The following TMCO4 variants were observed in gnomAD, a reference collection of about 807,000 sequenced individuals.
TMCO4 encodes transmembrane and coiled-coil domains 4.
A neutral mutation model predicts 64.7 loss-of-function variants in TMCO4; 58 were observed. The observed-to-expected ratio is 0.90, with a 90% CI of 0.73 to 1.12. TMCO4 has a LOEUF of 1.12. TMCO4 is among the 50% of genes most tolerant of loss of function. The probability of loss-of-function intolerance (pLI) is 0.00; values close to 1 mark genes in which losing one functional copy is unlikely to be tolerated. For synonymous variants in TMCO4, 325 were observed against 346.1 expected (o/e 0.94, Z 0.68); for missense variants, 780 against 825.9 (o/e 0.94, Z 0.68).
At chr1:19,782,953 A>G (rs1007258590) in intron 3 of TMCO4, among the ~76,000 whole-genome samples, 2 of 152,242 alleles carry the variant, frequency 1.3e-5, no homozygotes, top group Non-Finnish European at 2.9e-5. Flanking sequence ...TGTCAGTAGT[A>G]AAGGACACAG....
chr1:19,726,968 C>T (rs532937646), intron 13 of TMCO4, among the ~76,000 whole-genome samples: 171 of 152,304 alleles, frequency 1.1e-3, no homozygotes, highest in Non-Finnish European at 1.9e-3. Context: ...GAACATGTGG[C>T]GGGACTGCTC....
At chr1:19,759,262 C>T (rs1427252884) in intron 6 of TMCO4, among the ~76,000 whole-genome samples, 2 of 152,030 alleles carry the variant, frequency 1.3e-5, no homozygotes, top group Admixed American at 1.3e-4. Context: ...GGTTTGACCA[C>T]TTCACTCCTT....
chr1:19,736,969 AC>A (rs1201742098), intron 13 of TMCO4, among the ~76,000 whole-genome samples: 2 of 152,186 alleles, frequency 1.3e-5, no homozygotes, highest in Admixed American at 1.3e-4. Flanking sequence ...TGACATGTCT[AC>A]AAGCCAAGGA....
intron 2 of TMCO4, among the ~76,000 whole-genome samples, chr1:19,787,737 C>T (rs1387276919): frequency 1.3e-5 from 2 of 152,150 alleles, no homozygotes; most frequent in South Asian, 2.1e-4. Context: ...GAGCTTCATC[C>T]TTAGTGCCAT....
chr1:19,738,655 C>T (rs912296002), intron 12 of TMCO4, among the ~76,000 whole-genome samples: 6 of 152,216 alleles, frequency 3.9e-5, no homozygotes, highest in African/African-American at 1.4e-4. Flanking sequence ...TAGAGTCAAG[C>T]CTGCCGAAGG....
In TMCO4 at chr1:19,682,618, T is replaced by G. The variant is rs756377091; in HGVS notation, c.*422A>C. ...TGGAGTGTGGATGGAAGAACAGGCA[T>G]GCACCTGGTTTTATTGAGGCCAGGG... On this transcript the variant is annotated 3_prime_UTR_variant, in exon 16 of 16. Transcript: ENST00000294543. The G allele has an allele frequency of 4.2e-6, 3 of 717,524 alleles. No homozygotes were observed. Among genetic ancestry groups the G allele is most frequent in the East Asian group, 2.7e-5 (1 of 37,358 alleles). The allele number at this position is 717,524 out of a possible 1,614,324, so 44.4% of individuals were successfully genotyped here.
At chr1:19,758,180 T>A (rs145671748) in intron 6 of TMCO4, among the ~76,000 whole-genome samples, 2 of 151,996 alleles carry the variant, frequency 1.3e-5, no homozygotes, top group African/African-American at 4.8e-5. Flanking sequence ...GCAAAAGAAA[T>A]CAGTTCCTTC....
intron 4 of TMCO4, among the ~76,000 whole-genome samples, chr1:19,777,676 C>G (rs1019922719): frequency 1.3e-5 from 2 of 152,202 alleles, no homozygotes; most frequent in East Asian, 3.8e-4. Context: ...ACTGAATCAA[C>G]CCTGGAACCT....
chr1:19,798,477 A>T (rs1243899660), intron 1 of TMCO4, among the ~76,000 whole-genome samples: 1 of 152,196 alleles, frequency 6.6e-6, no homozygotes, highest in Non-Finnish European at 1.5e-5. Context: ...AAAAGTATAA[A>T]GTCTCCCAAA....
At chr1:19,745,698 G>C in intron 9 of TMCO4, 47 bp from the exon 10 acceptor site, 1 of 1,563,536 alleles carries the variant, frequency 6.4e-7, no homozygotes. Context: ...CTGGGGCCCC[G>C]GGGAACATCA....
At chr1:19,730,988 T>A (rs1056892107) in intron 13 of TMCO4, among the ~76,000 whole-genome samples, 1 of 152,104 alleles carries the variant, frequency 6.6e-6, no homozygotes, top group African/African-American at 2.4e-5. Flanking sequence ...GCAGATTAAT[T>A]GGGTGTTAAA....
In TMCO4 at chr1:19,689,892, C is replaced by A. The variant is rs560310653; in HGVS notation, c.1500+4542G>T. On this transcript the variant is annotated intron_variant, in intron 15 of 15. Coordinates refer to ENST00000294543, the MANE Select transcript of TMCO4 (RefSeq NM_181719.7). ...GATGGTGACAGGAGGCAGCCAAATG[C>A]CTAGGCAGACGGGGTGGGTCCCTGG... is the stretch of plus-strand genomic sequence containing the variant. Among the ~76,000 whole-genome samples, 4 of 152,348 alleles carry A rather than the reference C, an allele frequency of 2.6e-5. No homozygotes were observed. The South Asian group carries it at 6.2e-4, about 24-fold the overall frequency.
chr1:19,698,066 G>A (rs2100595951), intron 14 of TMCO4, among the ~76,000 whole-genome samples: 1 of 152,296 alleles, frequency 6.6e-6, no homozygotes. Context: ...TGTATCCTGA[G>A]CTGAACCGGG....
At chr1:19,764,117 G>T (rs2042626654) in intron 6 of TMCO4, among the ~76,000 whole-genome samples, 5 of 152,204 alleles carry the variant, frequency 3.3e-5, no homozygotes, top group Admixed American at 3.3e-4. Flanking sequence ...TTTGGTTCCT[G>T]CCGCATGGGC....
chr1:19,755,506 G>A (rs2042205054), intron 7 of TMCO4, 128 bp downstream of exon 7: 1 of 1,348,034 alleles, frequency 7.4e-7, no homozygotes, highest in Admixed American at 2.2e-5. Context: ...GCTACAGCTG[G>A]GACTCTGTCC....
At chr1:19,766,938 G>C (rs755694241) in intron 6 of TMCO4, among the ~76,000 whole-genome samples, 2 of 152,118 alleles carry the variant, frequency 1.3e-5, no homozygotes, top group Non-Finnish European at 2.9e-5. Context: ...GGGACCTTTG[G>C]GGCCCTGGCA....
At chr1:19,742,101 A>G (rs1883571) in intron 10 of TMCO4, among the ~76,000 whole-genome samples, 27,389 of 152,044 alleles carry the variant, frequency 0.18, 3,025 homozygotes, top group African/African-American at 0.3. Flanking sequence ...ATGAGCTCCC[A>G]GATCGTACAT....
At chr1:19,714,320 T>C (rs542247064) in intron 13 of TMCO4, among the ~76,000 whole-genome samples, 1 of 152,380 alleles carries the variant, frequency 6.6e-6, no homozygotes, top group African/African-American at 2.4e-5. Flanking sequence ...TTTTTATTTC[T>C]ACAAGTTACA....
At position 19,762,586 on chromosome 1, in the gene TMCO4, G is replaced by A. The variant is rs112099724; in HGVS notation, c.383-6820C>T. Among the ~76,000 whole-genome samples the A allele has an allele frequency of 5.0e-4, 76 of 152,314 alleles. 3 individuals are homozygous for A. The East Asian group carries it at 8.5e-3, about 17-fold the overall frequency. ...CATTTCTCAATACAGAAGCAGCTGC[G>A]TTTCGTACTTCATTATCGAACACTC... On this transcript the variant is annotated intron_variant, in intron 6 of 15. Transcript: ENST00000294543.
Sources: allele counts gnomAD v4.1 joint callset (sites outside exome capture counted in the v4.1 genomes callset), GRCh38; gene constraint gnomAD v4.1.1; transcripts MANE v1.5; gene names NCBI Gene and HGNC (gene_info 2026-07-23, HGNC 2026-07-21).